The following EEIG1 variants were observed in gnomAD, a reference collection of about 807,000 sequenced individuals.
EEIG1 encodes the protein early estrogen-induced gene 1 protein.
At chr9:127,952,989 T>A in the EEIG1 span, among the ~76,000 whole-genome samples, 2 of 152,280 alleles carry the variant, frequency 1.3e-5, no homozygotes, top group Admixed American at 6.5e-5. Context: ...AGTGCCAGGA[T>A]TATAGGCGTG....
chr9:127,944,931 G>T, the EEIG1 span: 1 of 1,601,842 alleles, frequency 6.2e-7, no homozygotes, highest in African/African-American at 1.3e-5. Flanking sequence ...AAGTCACAAC[G>T]GTCAGGGCAG....
chr9:127,976,198 CAG>C, the EEIG1 span, among the ~76,000 whole-genome samples: 1 of 152,202 alleles, frequency 6.6e-6, no homozygotes, highest in Non-Finnish European at 1.5e-5. The surrounding 1 kb of genome is among the most constrained non-coding windows in gnomAD (Gnocchi z 4.1). Context: ...CAAGGCAAGA[CAG>C]GGCCTTAGAG....
chr9:127,977,456 C>G, the EEIG1 span, among the ~76,000 whole-genome samples: 1 of 152,228 alleles, frequency 6.6e-6, no homozygotes, highest in African/African-American at 2.4e-5. Context: ...AAGTCCTCAG[C>G]CTGGGGCTCA....
At chr9:127,975,879 C>T in the EEIG1 span, among the ~76,000 whole-genome samples, 287 of 152,212 alleles carry the variant, frequency 1.9e-3, 1 homozygote, top group African/African-American at 6.7e-3. Context: ...GGACCTCTTC[C>T]TCCCTCCCGG....
chr9:127,980,473 G>C, the EEIG1 span: 1 of 174,326 alleles, frequency 5.7e-6, no homozygotes, highest in African/African-American at 2.4e-5. Context: ...CTGGCTTGCA[G>C]CATCCCGAGA....
the EEIG1 span, chr9:127,945,779 T>C: frequency 6.7e-7 from 1 of 1,490,836 alleles, no homozygotes; most frequent in South Asian, 1.2e-5. This position sits in a 1 kb window ranked among gnomAD's most constrained non-coding sequence, Gnocchi z 6.5. Flanking sequence ...GGGCAGGGGG[T>C]GAGGTGACAG....
the EEIG1 span, among the ~76,000 whole-genome samples, chr9:127,954,581 AG>A: frequency 6.6e-6 from 1 of 152,348 alleles, no homozygotes; most frequent in Non-Finnish European, 1.5e-5. Context: ...GCCTGCTCCA[AG>A]TGCCAGAGAA....
At chr9:127,950,814 G>T in the EEIG1 span, 1 of 639,610 alleles carries the variant, frequency 1.6e-6, no homozygotes, top group Non-Finnish European at 2.2e-6. Flanking sequence ...CAGTGCGCCT[G>T]ACATGAAAGG....
the EEIG1 span, among the ~76,000 whole-genome samples, chr9:127,966,404 T>C: frequency 5.1e-4 from 75 of 147,718 alleles, no homozygotes; most frequent in African/African-American, 1.4e-3. Flanking sequence ...GCCCGGGAGT[T>C]CAAGACCAGC....
chr9:127,948,541 CCTGGCTTGGGGGCT>C, the EEIG1 span: 2 of 933,938 alleles, frequency 2.1e-6, no homozygotes, highest in Non-Finnish European at 3.4e-6. Flanking sequence ...TCTGCCCCCT[CCTGGCTTGGGGGCT>C]CTGGCAAAGC....
chr9:127,967,821 T>C, the EEIG1 span, among the ~76,000 whole-genome samples: 3 of 152,208 alleles, frequency 2.0e-5, no homozygotes, highest in East Asian at 5.8e-4. Context: ...TGGACACCCA[T>C]GCTGAATGGG....
chr9:127,968,926 T>C, the EEIG1 span, among the ~76,000 whole-genome samples: 2 of 152,196 alleles, frequency 1.3e-5, no homozygotes, highest in Non-Finnish European at 2.9e-5. Flanking sequence ...AGACCAATCC[T>C]GGACCAATCT....
the EEIG1 span, chr9:127,943,380 C>T: frequency 1.5e-5 from 11 of 741,378 alleles, no homozygotes; most frequent in Non-Finnish European, 2.1e-5. Context: ...CGTGCCCCAG[C>T]GATGGTAAGT....
At chr9:127,955,139 C>T in the EEIG1 span, among the ~76,000 whole-genome samples, 1 of 152,212 alleles carries the variant, frequency 6.6e-6, no homozygotes, top group Non-Finnish European at 1.5e-5. Flanking sequence ...TAAGCACAAC[C>T]GCCAAGGGGA....
At chr9:127,952,635 G>A in the EEIG1 span, among the ~76,000 whole-genome samples, 1 of 152,252 alleles carries the variant, frequency 6.6e-6, no homozygotes, top group Non-Finnish European at 1.5e-5. Flanking sequence ...GCTGCCATTA[G>A]AAAGCACATG....
chr9:127,950,357 T>C, the EEIG1 span: 1 of 1,527,250 alleles, frequency 6.5e-7, no homozygotes, highest in Non-Finnish European at 9.0e-7. Context: ...CAGAGGATTC[T>C]GATGAGCAGC....
the EEIG1 span, among the ~76,000 whole-genome samples, chr9:127,970,119 C>CTT: frequency 6.8e-6 from 1 of 147,820 alleles, no homozygotes. Context: ...GCATCATACA[C>CTT]TTTTTTTTTT....
At chr9:127,950,471 G>C in the EEIG1 span, 2 of 1,613,978 alleles carry the variant, frequency 1.2e-6, no homozygotes, top group Non-Finnish European at 1.7e-6. Context: ...CATATCCCTC[G>C]AGCAGGCAGC....
chr9:127,974,402 T>A, the EEIG1 span, among the ~76,000 whole-genome samples: 1 of 152,056 alleles, frequency 6.6e-6, no homozygotes, highest in African/African-American at 2.4e-5. Flanking sequence ...ATACCCCAGC[T>A]CCTCGCCTGA....
Sources: allele counts gnomAD v4.1 joint callset (sites outside exome capture counted in the v4.1 genomes callset), GRCh38; gene constraint gnomAD v4.1.1; non-coding constraint Gnocchi (gnomAD v3.1); transcripts MANE v1.5; gene names NCBI Gene and HGNC (gene_info 2026-07-23, HGNC 2026-07-21).